The following BANK1 variants were observed in gnomAD, a reference collection of about 807,000 sequenced individuals.
BANK1 encodes the protein B-cell scaffold protein with ankyrin repeats.
BANK1 carries 95 observed loss-of-function variants against 94.5 expected under a neutral mutation model. The ratio of observed to expected loss-of-function variants is 1.00; its 90% CI spans 0.85 to 1.19. The LOEUF is 1.19. BANK1 is among the 50% of genes most tolerant of loss of function. The pLI, the probability that BANK1 is intolerant of heterozygous loss-of-function variation, is 0.00. For missense variants in BANK1, 987 were observed against 932.2 expected (o/e 1.06, Z -0.77); for synonymous variants, 334 against 308.4 (o/e 1.08, Z -0.87).
At position 102,025,244 on chromosome 4, in the gene BANK1, C is replaced by T. The variant is rs548015938; in HGVS notation, c.1329C>T (p.Tyr443=). ...PAFHHESRKT[Y]GQSADGAEAN... is the part of the protein sequence containing the mutation. The stretch of plus-strand genomic sequence containing the variant: ...TTCATCATGAAAGCAGGAAGACATA[C>T]GGGCAGAGTGCAGATGGAGCTGAGG... Residue 443 remains tyrosine (Y), a synonymous_variant, in exon 9 of 17, where the codon TAC becomes TAT. Coordinates refer to ENST00000322953, the MANE Select transcript of BANK1 (RefSeq NM_017935.5). 34 of 1,614,024 alleles carry T rather than the reference C, an allele frequency of 2.1e-5. No homozygotes were observed. Among genetic ancestry groups the T allele is most frequent in the South Asian group, 1.1e-4 (10 of 91,068 alleles).
chr4:101,850,093 G>A (rs1727414702), intron 2 of BANK1, among the ~76,000 whole-genome samples: 1 of 152,150 alleles, frequency 6.6e-6, no homozygotes. Flanking sequence ...ACTGGATAGG[G>A]ATTATATTTT....
At chr4:101,829,569 G>A (rs11938136) in intron 1 of BANK1, among the ~76,000 whole-genome samples, 4,692 of 151,142 alleles carry the variant, frequency 0.031, 227 homozygotes, top group African/African-American at 0.11. Flanking sequence ...GTTTTGGCTC[G>A]TTTCCTTATT....
chr4:101,799,335 A>G (rs558627231), intron 1 of BANK1, among the ~76,000 whole-genome samples: 5 of 152,242 alleles, frequency 3.3e-5, no homozygotes, highest in Admixed American at 1.3e-4. Context: ...CTGTTTTGGT[A>G]CCAGTACCAT....
intron 1 of BANK1, among the ~76,000 whole-genome samples, chr4:101,809,785 A>G (rs1725680599): frequency 6.6e-6 from 1 of 152,360 alleles, no homozygotes; most frequent in South Asian, 2.1e-4. Context: ...TATCCATTTT[A>G]CTTCAAAAGG....
intron 7 of BANK1, among the ~76,000 whole-genome samples, chr4:101,920,644 C>T (rs1451419119): frequency 6.6e-6 from 1 of 151,910 alleles, no homozygotes; most frequent in Non-Finnish European, 1.5e-5. Context: ...TAGTGGACTA[C>T]ACTTCTACTG....
At chr4:102,018,589 G>T (rs1400520846) in intron 7 of BANK1, among the ~76,000 whole-genome samples, 1 of 152,154 alleles carries the variant, frequency 6.6e-6, no homozygotes, top group Non-Finnish European at 1.5e-5. Flanking sequence ...GATAATGAAT[G>T]ATTTTAATTT....
At chr4:101,991,912 CATGA>C (rs1725723421) in intron 7 of BANK1, among the ~76,000 whole-genome samples, 1 of 152,142 alleles carries the variant, frequency 6.6e-6, no homozygotes, top group South Asian at 2.1e-4. Context: ...AGAAGGTTTC[CATGA>C]AATACTCACC....
rs139390646 is a variant in BANK1, at chr4:101,870,551, C to T, written c.810C>T (p.Ile270=). The change falls in exon 5 of 17, where the codon ATC becomes ATT. Residue 270 remains isoleucine, a synonymous_variant. Coordinates refer to ENST00000322953, the MANE Select transcript of BANK1 (RefSeq NM_017935.5). ...SVHVNVYCDG[I]VKATTKIKYY... Reference sequence around the variant, plus strand: ...ATGTCAATGTCTACTGTGATGGAATCGTTAAAGCTACAACCAAAATTAAGT... The same window carrying T: ...ATGTCAATGTCTACTGTGATGGAATTGTTAAAGCTACAACCAAAATTAAGT... 3.2e-4 allele frequency: 519 copies of T among 1,612,752 alleles called. No homozygotes were observed. Among genetic ancestry groups the T allele is most frequent in the Non-Finnish European group, 4.0e-4 (474 of 1,179,182 alleles).
At chr4:102,058,069 GACT>G (rs1185932853) in intron 11 of BANK1, among the ~76,000 whole-genome samples, 1 of 151,898 alleles carries the variant, frequency 6.6e-6, no homozygotes, top group Non-Finnish European at 1.5e-5. Flanking sequence ...TTTTTTAAAT[GACT>G]ACGTGATTTT....
rs1727782405 is a variant in BANK1, at chr4:102,043,828, A to G, written c.1901-11A>G. ...ATGTTCAGTAAATAATATGTTCTAT[A>G]CTTTTTACAGTGTTTCAACAAAAGA... On this transcript the variant is annotated splice_polypyrimidine_tract_variant and intron_variant, in intron 10 of 16. Transcript: ENST00000322953. 6.3e-7 allele frequency: 1 copy of G among 1,580,618 alleles called. No individual in the cohort carries two copies. The highest frequency in any genetic ancestry group is 1.3e-5 in the African/African-American group (1 of 74,098).
intron 7 of BANK1, among the ~76,000 whole-genome samples, chr4:101,951,806 A>G (rs556018365): frequency 2.0e-5 from 3 of 152,126 alleles, no homozygotes; most frequent in South Asian, 2.1e-4. Flanking sequence ...ATAACTATCA[A>G]TATAAATAAT....
intron 2 of BANK1, among the ~76,000 whole-genome samples, chr4:101,842,041 A>T (rs1380390419): frequency 6.6e-6 from 1 of 152,222 alleles, no homozygotes; most frequent in African/African-American, 2.4e-5. Context: ...GAAGAAATTT[A>T]AAAAACCTTT....
intron 7 of BANK1, among the ~76,000 whole-genome samples, chr4:101,918,547 A>C (rs1722904666): frequency 6.6e-6 from 1 of 152,008 alleles, no homozygotes; most frequent in Non-Finnish European, 1.5e-5. Context: ...GAAGATTTTA[A>C]GAAGGAGGGG....
intron 1 of BANK1, among the ~76,000 whole-genome samples, chr4:101,818,417 GC>G (rs1229280754): frequency 6.6e-6 from 1 of 152,094 alleles, no homozygotes; most frequent in Non-Finnish European, 1.5e-5. Flanking sequence ...AGACCCTTTG[GC>G]TTTTGTACTG....
At chr4:101,823,384 G>T (rs149261655) in intron 1 of BANK1, among the ~76,000 whole-genome samples, 1 of 151,928 alleles carries the variant, frequency 6.6e-6, no homozygotes, top group Non-Finnish European at 1.5e-5. Flanking sequence ...CCTTATTATT[G>T]TGGTAATATT....
At chr4:101,997,227 T>C (rs150908889) in intron 7 of BANK1, among the ~76,000 whole-genome samples, 10,218 of 152,252 alleles carry the variant, frequency 0.067, 582 homozygotes, top group East Asian at 0.19. Context: ...TGTGATGGAT[T>C]ATGTTTATTG....
intron 11 of BANK1, among the ~76,000 whole-genome samples, chr4:102,045,480 G>T (rs141596213): frequency 1.3e-5 from 2 of 151,942 alleles, no homozygotes; most frequent in Non-Finnish European, 2.9e-5. Context: ...GTATTCAATT[G>T]GGAAAAAGAG....
intron 7 of BANK1, among the ~76,000 whole-genome samples, chr4:101,949,220 A>G (rs777066006): frequency 6.6e-6 from 1 of 152,120 alleles, no homozygotes; most frequent in African/African-American, 2.4e-5. Context: ...CTAAACAAGC[A>G]TATTCTCATC....
At chr4:101,812,507 G>T (rs957993106) in intron 1 of BANK1, among the ~76,000 whole-genome samples, 1 of 151,810 alleles carries the variant, frequency 6.6e-6, no homozygotes, top group African/African-American at 2.4e-5. Context: ...TAAAATTTAA[G>T]AATAAATGTA....
Sources: allele counts gnomAD v4.1 joint callset (sites outside exome capture counted in the v4.1 genomes callset), GRCh38; gene constraint gnomAD v4.1.1; transcripts MANE v1.5; gene names NCBI Gene and HGNC (gene_info 2026-07-23, HGNC 2026-07-21).